The following ZAP70 variants were observed in gnomAD, a reference collection of about 807,000 sequenced individuals.
The protein encoded by ZAP70 is tyrosine-protein kinase ZAP-70.
ZAP70 carries 27 observed loss-of-function variants against 65.8 expected under a neutral mutation model. The observed-to-expected ratio is 0.41, with a 90% CI of 0.30 to 0.57. The LOEUF (loss-of-function observed/expected upper bound fraction) is 0.57. ZAP70 is among the 20% of genes least tolerant of loss of function. The probability of loss-of-function intolerance (pLI) is 0.28; values close to 1 mark genes in which losing one functional copy is unlikely to be tolerated. For synonymous variants in ZAP70, 363 were observed against 360.8 expected (o/e 1.01, Z -0.07); for missense variants, 696 against 870.5 (o/e 0.80, Z 2.52).
chr2:97,725,120 G>A lies in ZAP70; in HGVS notation c.431G>A (p.Ser144Asn). ...EGEALEQAII[S>N]QAPQVEKLIA... Reference sequence around the variant, plus strand: ...GAGGCCCTGGAGCAGGCCATCATCAGCCAGGCCCCGCAGGTGGAGAAGCTC... The same window carrying A: ...GAGGCCCTGGAGCAGGCCATCATCAACCAGGCCCCGCAGGTGGAGAAGCTC... Residue 144 changes from serine (S) to asparagine (N), a missense_variant, in exon 4 of 14, where the codon AGC (serine) becomes AAC (asparagine). This residue lies in a region of ZAP70 where 551 missense variants were observed against 630.0 expected (regional missense o/e 0.87). Transcript: ENST00000264972. 1 of 1,614,130 alleles carries A rather than the reference G, an allele frequency of 6.2e-7. No homozygotes were observed. Among genetic ancestry groups the A allele is most frequent in the Non-Finnish European group, 8.5e-7 (1 of 1,180,022 alleles).
chr2:97,745,338 C>CA, the ZAP70 span, among the ~76,000 whole-genome samples: 1 of 152,222 alleles, frequency 6.6e-6, no homozygotes, highest in African/African-American at 2.4e-5. Flanking sequence ...TGTGCCTGGC[C>CA]AAAAAACCTT....
At chr2:97,733,506 G>A (rs557179479) in intron 7 of ZAP70, 38 bp from the exon 8 acceptor site, 11 of 1,613,060 alleles carry the variant, frequency 6.8e-6, no homozygotes, top group African/African-American at 4.0e-5. Context: ...GGGGCTGGAC[G>A]TCCCCAGCTC....
intron 9 of ZAP70, chr2:97,735,024 A>T (rs947188758): frequency 3.0e-6 from 2 of 660,162 alleles, no homozygotes; most frequent in African/African-American, 1.8e-5. Context: ...GTCACTTTGG[A>T]TTCTTTTTGG....
At chr2:97,724,982 AG>A in intron 3 of ZAP70, 109 bp from the exon 4 acceptor site, 2 of 1,557,650 alleles carry the variant, frequency 1.3e-6, no homozygotes, top group Non-Finnish European at 1.7e-6. Flanking sequence ...AACACGCGCT[AG>A]GGACGCCTGG....
At chr2:97,752,462 T>A in the ZAP70 span, among the ~76,000 whole-genome samples, 1 of 152,242 alleles carries the variant, frequency 6.6e-6, no homozygotes, top group Non-Finnish European at 1.5e-5. Flanking sequence ...ACTTTCCCCA[T>A]TTTCTTTTTT....
At chr2:97,747,487 CTATT>C in the ZAP70 span, among the ~76,000 whole-genome samples, 3 of 152,160 alleles carry the variant, frequency 2.0e-5, no homozygotes, top group Admixed American at 6.5e-5. Flanking sequence ...TTGTGTGATT[CTATT>C]TATATGAAGT....
rs79257377 is a variant in ZAP70, at chr2:97,725,345, C to T, written c.563+93C>T. On this transcript the variant is annotated intron_variant, in intron 4 of 13. Transcript: ENST00000264972. ...GGCAGACGTGAGTGTGCAGTTGGGCCGTAAGGGTGTCCCTGTGCTCACATG... is the reference window on the plus strand; with the variant it reads ...GGCAGACGTGAGTGTGCAGTTGGGCTGTAAGGGTGTCCCTGTGCTCACATG... The T allele has an allele frequency of 4.1e-3, 6,158 of 1,498,934 alleles. 189 individuals carry two copies. The East Asian group carries it at 0.085, about 21-fold the overall frequency. 92.9% of individuals were successfully genotyped at this position (1,498,934 alleles called of 1,614,324 possible).
At position 97,733,590 on chromosome 2, in the gene ZAP70, A is replaced by C; in HGVS notation, c.884A>C (p.Glu295Ala). The change falls in exon 8 of 14, where the codon GAG becomes GCG. Residue 295 changes from glutamate (E) to alanine (A), a missense_variant. Transcript: ENST00000264972. ...CTCAACTCAGATGGATACACCCCTG[A>C]GCCAGGTGAGCGGGCAGAGGTGGGG... ...DTLNSDGYTP[E>A]PARITSPDKP... 1 of 1,613,488 alleles carries C rather than the reference A, an allele frequency of 6.2e-7. No individual in the cohort carries two copies. Among genetic ancestry groups the C allele is most frequent in the South Asian group, 1.1e-5 (1 of 91,074 alleles).
downstream of ZAP70, chr2:97,739,957 GCCTGGAAGTGA>G (rs1668739603): frequency 5.9e-6 from 1 of 168,390 alleles, no homozygotes; most frequent in Non-Finnish European, 1.3e-5. Context: ...TGTGGACTGA[GCCTGGAAGTGA>G]CCCCTGGGAA....
chr2:97,741,804 ACTC>A (rs1678137455), downstream of ZAP70, among the ~76,000 whole-genome samples: 2 of 150,648 alleles, frequency 1.3e-5, no homozygotes, highest in African/African-American at 4.9e-5. Context: ...CAAATATCTC[ACTC>A]CTCCTCTATT....
Position 97,737,695 on chromosome 2 carries a change from G to C in ZAP70, c.1482+30G>C. 1 of 1,614,058 alleles carries C rather than the reference G, an allele frequency of 6.2e-7. No individual in the cohort carries two copies. Among genetic ancestry groups the C allele is most frequent in the African/African-American group, 1.3e-5 (1 of 75,044 alleles). On this transcript the variant is annotated intron_variant, in intron 11 of 13. Coordinates refer to ENST00000264972, the MANE Select transcript of ZAP70 (RefSeq NM_001079.4). This position sits in a 1 kb window ranked among gnomAD's most constrained non-coding sequence, Gnocchi z 5.0. The stretch of plus-strand genomic sequence containing the variant: ...GCCTCTGCCCCTGTGATGCCCGACT[G>C]GATGGGCTGGGTGGGTAGAGGGTCC...
Position 97,739,676 on chromosome 2 carries a change from G to A in ZAP70, c.*178G>A, listed in dbSNP as rs1678066283. The A allele has an allele frequency of 1.9e-6, 2 of 1,045,694 alleles. No individual in the cohort carries two copies. Among genetic ancestry groups the A allele is most frequent in the Admixed American group, 2.5e-5 (1 of 40,650 alleles). The allele number at this position is 1,045,694 out of a possible 1,614,324, so 64.8% of individuals were successfully genotyped here. The stretch of plus-strand genomic sequence containing the variant: ...CCTGCCTGGCCCCCTGTCCTCTCTG[G>A]CTGGGGAGCAGGGAGGTCCGGGAGG... On this transcript the variant is annotated 3_prime_UTR_variant, in exon 14 of 14. Coordinates refer to ENST00000264972, the MANE Select transcript of ZAP70 (RefSeq NM_001079.4).
chr2:97,751,938 C>A, the ZAP70 span, among the ~76,000 whole-genome samples: 1 of 152,200 alleles, frequency 6.6e-6, no homozygotes, highest in Non-Finnish European at 1.5e-5. Context: ...CTCCACCAAG[C>A]CCCACCTTCC....
chr2:97,718,217 G>A (rs529600700), intron 2 of ZAP70, among the ~76,000 whole-genome samples: 4 of 152,290 alleles, frequency 2.6e-5, no homozygotes, highest in East Asian at 1.9e-4. Context: ...GGAGGGCCAC[G>A]AGTCTGCAGG....
Position 97,724,406 on chromosome 2 carries a change from C to A in ZAP70, c.370C>A (p.Arg124Ser). Residue 124 changes from arginine (R) to serine (S), a missense_variant, in exon 3 of 14, where the codon CGT becomes AGT. Coordinates refer to ENST00000264972, the MANE Select transcript of ZAP70 (RefSeq NM_001079.4). ...VFDCLRDAMV[R>S]DYVRQTWKLE... ...CGACTGCCTGCGAGACGCCATGGTG[C>A]GTGACTACGTGCGCCAGACGTGGAA... 2.0e-6 allele frequency: 3 copies of A among 1,537,970 alleles called. No homozygotes were observed. Among genetic ancestry groups the A allele is most frequent in the Non-Finnish European group, 2.6e-6 (3 of 1,143,100 alleles).
downstream of ZAP70, among the ~76,000 whole-genome samples, chr2:97,740,396 G>A (rs554337750): frequency 1.3e-5 from 2 of 152,262 alleles, no homozygotes; most frequent in East Asian, 3.9e-4. Flanking sequence ...TCAATTTAGT[G>A]GTTTCTTAAA....
intron 13 of ZAP70, among the ~76,000 whole-genome samples, chr2:97,739,139 G>A (rs1286540537): frequency 2.6e-5 from 4 of 152,190 alleles, no homozygotes; most frequent in Admixed American, 6.5e-5. Context: ...CGGTAGAGGG[G>A]TCATCCCAGC....
At chr2:97,732,106 C>G (rs1677635006) in intron 4 of ZAP70, among the ~76,000 whole-genome samples, 1 of 152,028 alleles carries the variant, frequency 6.6e-6, no homozygotes, top group Non-Finnish European at 1.5e-5. Context: ...GATGGGGGGA[C>G]AGTTTCTTAC....
chr2:97,741,583 C>T (rs900589758), downstream of ZAP70, among the ~76,000 whole-genome samples: 1 of 152,232 alleles, frequency 6.6e-6, no homozygotes, highest in African/African-American at 2.4e-5. Context: ...CCCGCCCAGG[C>T]TCCCTGGGTA....
Sources: allele counts gnomAD v4.1 joint callset (sites outside exome capture counted in the v4.1 genomes callset), GRCh38; gene constraint gnomAD v4.1.1; regional missense constraint gnomAD v4.1.1; non-coding constraint Gnocchi (gnomAD v3.1); transcripts MANE v1.5; gene names NCBI Gene and HGNC (gene_info 2026-07-23, HGNC 2026-07-21).